The following CNTNAP2 variants were observed in gnomAD, a reference collection of about 807,000 sequenced individuals.
CNTNAP2 encodes contactin associated protein 2.
In CNTNAP2, 98 loss-of-function variants were observed where a neutral mutation model predicts 155.2. The observed-to-expected ratio is 0.63, with a 90% CI of 0.54 to 0.75. The LOEUF (loss-of-function observed/expected upper bound fraction) is 0.75, where lower values mean the gene tolerates loss of function less well. Ranked by LOEUF, CNTNAP2 falls within the 30% of genes least tolerant of loss-of-function variation. The pLI is 0.00. For missense variants in CNTNAP2, 1,727 were observed against 1,688.1 expected (o/e 1.02, Z -0.40); for synonymous variants, 651 against 631.2 (o/e 1.03, Z -0.47).
intron 1 of CNTNAP2, among the ~76,000 whole-genome samples, chr7:146,427,439 G>A (rs1456572173): frequency 1.3e-5 from 2 of 152,082 alleles, no homozygotes; most frequent in African/African-American, 2.4e-5. Context: ...GCTAAAATTT[G>A]AATTTCACTT....
At chr7:147,393,015 T>A (rs1427123800) in intron 9 of CNTNAP2, among the ~76,000 whole-genome samples, 1 of 151,996 alleles carries the variant, frequency 6.6e-6, no homozygotes, top group Non-Finnish European at 1.5e-5. Context: ...CAGAAGACAG[T>A]GTATGACATG....
chr7:146,939,697 A>G (rs1388178999), intron 3 of CNTNAP2, among the ~76,000 whole-genome samples: 1 of 152,216 alleles, frequency 6.6e-6, no homozygotes, highest in Non-Finnish European at 1.5e-5. Context: ...CAGTGTCTCA[A>G]GAGCATCCCA....
chr7:147,740,961 A>C (rs1796946835), intron 13 of CNTNAP2, among the ~76,000 whole-genome samples: 1 of 152,116 alleles, frequency 6.6e-6, no homozygotes, highest in African/African-American at 2.4e-5. Context: ...CAACTGGAGG[A>C]GAAAAAGCTA....
At chr7:147,246,690 A>G (rs1039944448) in intron 8 of CNTNAP2, among the ~76,000 whole-genome samples, 1 of 152,206 alleles carries the variant, frequency 6.6e-6, no homozygotes, top group African/African-American at 2.4e-5. Flanking sequence ...AAACATTCAG[A>G]TCATAGCAGA....
At chr7:146,212,189 T>C (rs183803066) in intron 1 of CNTNAP2, among the ~76,000 whole-genome samples, 58 of 152,272 alleles carry the variant, frequency 3.8e-4, no homozygotes, top group African/African-American at 1.3e-3. Context: ...TGTGAAACAA[T>C]TAATCACTGG....
intron 15 of CNTNAP2, among the ~76,000 whole-genome samples, chr7:148,091,025 T>C (rs1199008919): frequency 1.3e-5 from 2 of 152,058 alleles, no homozygotes; most frequent in Non-Finnish European, 2.9e-5. Context: ...AAAGTTGAAG[T>C]AATTGGAACA....
At chr7:146,621,217 A>G (rs1308319425) in intron 1 of CNTNAP2, among the ~76,000 whole-genome samples, 1 of 152,188 alleles carries the variant, frequency 6.6e-6, no homozygotes, top group Non-Finnish European at 1.5e-5. Context: ...GAATACATTT[A>G]GATTTACAGA....
At chr7:146,117,702 G>C (rs1797506458) in intron 1 of CNTNAP2, among the ~76,000 whole-genome samples, 1 of 152,088 alleles carries the variant, frequency 6.6e-6, no homozygotes, top group Admixed American at 6.5e-5. Flanking sequence ...CTGTGTGTGT[G>C]TGTTTGTGTG....
chr7:146,588,282 T>C (rs1798727208), intron 1 of CNTNAP2, among the ~76,000 whole-genome samples: 1 of 152,160 alleles, frequency 6.6e-6, no homozygotes, highest in Non-Finnish European at 1.5e-5. Context: ...TTAATGAATT[T>C]AGAGTGGGAA....
At chr7:146,483,314 T>C (rs1215203644) in intron 1 of CNTNAP2, among the ~76,000 whole-genome samples, 86 of 91,182 alleles carry the variant, frequency 9.4e-4, no homozygotes, top group African/African-American at 4.0e-3. Context: ...TATATATATA[T>C]ATATATATAT....
chr7:146,927,890 G>A (rs776018640), intron 3 of CNTNAP2, among the ~76,000 whole-genome samples: 2 of 151,184 alleles, frequency 1.3e-5, no homozygotes, highest in Non-Finnish European at 3.0e-5. Context: ...TTTCTATAGA[G>A]AGAGTGTGTG....
chr7:146,128,229 T>C (rs1797665389), intron 1 of CNTNAP2, among the ~76,000 whole-genome samples: 1 of 152,204 alleles, frequency 6.6e-6, no homozygotes. Context: ...AACTAGACTT[T>C]AGTAAACATG....
chr7:147,517,642 C>T (rs541273179), intron 11 of CNTNAP2, among the ~76,000 whole-genome samples: 11 of 152,280 alleles, frequency 7.2e-5, no homozygotes, highest in South Asian at 2.1e-4. Flanking sequence ...AAGATTCATT[C>T]GCACATATGT....
chr7:147,272,537 C>G (rs186905954), intron 8 of CNTNAP2, among the ~76,000 whole-genome samples: 3 of 151,806 alleles, frequency 2.0e-5, no homozygotes, highest in Admixed American at 6.6e-5. Context: ...CCGGCTCTGT[C>G]GCCCAGGCTG....
chr7:146,564,271 T>A (rs1016019045), intron 1 of CNTNAP2, among the ~76,000 whole-genome samples: 2 of 152,142 alleles, frequency 1.3e-5, no homozygotes, highest in African/African-American at 2.4e-5. Context: ...GCTTAGTGCA[T>A]AAGAGTCAAG....
At chr7:146,262,648 G>A (rs2129081767) in intron 1 of CNTNAP2, among the ~76,000 whole-genome samples, 1 of 152,160 alleles carries the variant, frequency 6.6e-6, no homozygotes, top group East Asian at 1.9e-4. Flanking sequence ...ATTTCTTGAT[G>A]GCAGCTACTA....
At chr7:146,849,412 A>T (rs1017741004) in intron 3 of CNTNAP2, among the ~76,000 whole-genome samples, 9 of 152,222 alleles carry the variant, frequency 5.9e-5, no homozygotes, top group Non-Finnish European at 8.8e-5. Flanking sequence ...ATTTTGGTTC[A>T]GCAAGAAGTT....
At chr7:146,804,283 T>C (rs1042060406) in intron 2 of CNTNAP2, among the ~76,000 whole-genome samples, 23 of 152,202 alleles carry the variant, frequency 1.5e-4, no homozygotes, top group Non-Finnish European at 2.8e-4. Flanking sequence ...ATTTATTTGA[T>C]AGAAATACAT....
At chr7:147,336,883 G>T (rs1584882332) in intron 9 of CNTNAP2, among the ~76,000 whole-genome samples, 1 of 151,956 alleles carries the variant, frequency 6.6e-6, no homozygotes, top group East Asian at 1.9e-4. Flanking sequence ...ACCAACCATG[G>T]AAATTCCCTC....
Sources: allele counts gnomAD v4.1 joint callset (sites outside exome capture counted in the v4.1 genomes callset), GRCh38; gene constraint gnomAD v4.1.1; transcripts MANE v1.5; gene names NCBI Gene and HGNC (gene_info 2026-07-23, HGNC 2026-07-21).